Variants in SMURF2 observed in about 807,000 individuals in gnomAD.
SMURF2 encodes SMAD specific E3 ubiquitin protein ligase 2, also known as E3 ubiquitin-protein ligase SMURF2.
SMURF2 carries 48 observed loss-of-function variants against 109.6 expected under a neutral mutation model. The ratio of observed to expected loss-of-function variants is 0.44; its 90% CI spans 0.35 to 0.56. SMURF2 has a LOEUF of 0.56. Among genes scored for constraint, SMURF2 ranks in the 20% least tolerant of loss-of-function variants. SMURF2 has a pLI of 0.01. For synonymous variants in SMURF2, 288 were observed against 317.1 expected, an observed-to-expected ratio of 0.91 and a Z score of 0.97; for missense variants, 575 against 909.0, an observed-to-expected ratio of 0.63 and a Z score of 4.72.
At chr17:64,636,570 C>T in intron 1 of SMURF2, among the ~76,000 whole-genome samples, 1 of 140,802 alleles carries the variant, frequency 7.1e-6, no homozygotes, top group African/African-American at 2.7e-5. Context: ...TGCCACTGCA[C>T]TCAGCCTGGA....
chr17:64,631,430 G>C (rs181923422), intron 1 of SMURF2, among the ~76,000 whole-genome samples: 19 of 152,090 alleles, frequency 1.2e-4, no homozygotes, highest in African/African-American at 4.6e-4. Flanking sequence ...AGGGGTTGAA[G>C]GAAATGGGCT....
chr17:64,611,298 C>T (rs986534315), intron 1 of SMURF2, among the ~76,000 whole-genome samples: 35 of 151,984 alleles, frequency 2.3e-4, no homozygotes, highest in Non-Finnish European at 4.6e-4. Flanking sequence ...AAATAAAATC[C>T]GAAGAGCCAC....
intron 1 of SMURF2, among the ~76,000 whole-genome samples, chr17:64,651,030 A>C (rs1408916481): frequency 6.6e-6 from 1 of 151,056 alleles, no homozygotes; most frequent in Non-Finnish European, 1.5e-5. Context: ...TGGCCAACAC[A>C]GCAAAACCCT....
chr17:64,547,507 T>G lies in SMURF2; in HGVS notation c.2071+93A>C. On this transcript the variant is annotated intron_variant, in intron 17 of 18. Transcript: ENST00000262435. This position sits in a 1 kb window ranked among gnomAD's most constrained non-coding sequence, Gnocchi z 4.2. ...GATAAGAAGTGAAAAAGAGAATCTC[T>G]AAGCACATGGTTTACAAAATATCTC... 1 of 1,039,938 alleles carries G rather than the reference T, an allele frequency of 9.6e-7. No individual in the cohort carries two copies. Among genetic ancestry groups the G allele is most frequent in the South Asian group, 1.3e-5 (1 of 75,150 alleles). The allele number at this position is 1,039,938 out of a possible 1,614,324, so 64.4% of individuals were successfully genotyped here.
At chr17:64,568,593 A>G (rs1289268475) in intron 10 of SMURF2, among the ~76,000 whole-genome samples, 1 of 152,216 alleles carries the variant, frequency 6.6e-6, no homozygotes, top group Non-Finnish European at 1.5e-5. Context: ...GGAAGCAGAA[A>G]GGTAACAAAC....
At chr17:64,557,783 T>A (rs1306497010) in intron 12 of SMURF2, 61 bp from the exon 13 acceptor site, 1 of 821,410 alleles carries the variant, frequency 1.2e-6, no homozygotes, top group African/African-American at 1.7e-5. Flanking sequence ...TATTAAGATA[T>A]GTCATTAACT....
Position 64,551,611 on chromosome 17 carries a change from C to T in SMURF2, c.1842G>A (p.Leu614=), listed in dbSNP as rs1969047049. The T allele has an allele frequency of 6.2e-7, 1 of 1,614,044 alleles. No individual in the cohort carries two copies. Among genetic ancestry groups the T allele is most frequent in the Non-Finnish European group, 8.5e-7 (1 of 1,179,960 alleles). Residue 614 remains leucine, a synonymous_variant, in exon 16 of 19, where the codon CTG becomes CTA. Coordinates refer to ENST00000262435, the MANE Select transcript of SMURF2 (RefSeq NM_022739.4). ...GFNEVIPQHL[L]KTFDEKELEL... is the part of the protein sequence containing the mutation. The stretch of plus-strand genomic sequence containing the variant: ...CTAACTCCTTCTCATCAAATGTCTT[C>T]AGCAGATGTTGTGGAATTACTTCAT...
chr17:64,659,484 A>T (rs1175602896), intron 1 of SMURF2, among the ~76,000 whole-genome samples: 2 of 151,222 alleles, frequency 1.3e-5, no homozygotes, highest in Non-Finnish European at 2.9e-5. Flanking sequence ...AAGGTATGCC[A>T]AACATTTCTT....
At chr17:64,654,459 G>T (rs1970679744) in intron 1 of SMURF2, among the ~76,000 whole-genome samples, 2 of 152,136 alleles carry the variant, frequency 1.3e-5, no homozygotes, top group Admixed American at 6.5e-5. Flanking sequence ...TTATATGTTG[G>T]AGAGAAATCC....
chr17:64,566,561 G>GTTTGTTTTTTTTTTTTTTTTTTTTTTT (rs1969305868), intron 10 of SMURF2, among the ~76,000 whole-genome samples: 1 of 43,804 alleles, frequency 2.3e-5, no homozygotes, highest in African/African-American at 7.5e-5. Flanking sequence ...AAGCTTTCTG[G>GTTTGTTTTTTTTTTTTTTTTTTTTTTT]TTTTTTTTTT....
intron 1 of SMURF2, among the ~76,000 whole-genome samples, chr17:64,619,532 T>C (rs1247115158): frequency 2.0e-5 from 3 of 151,296 alleles, no homozygotes; most frequent in Non-Finnish European, 2.9e-5. Flanking sequence ...GCAAGACGTT[T>C]GCCTTAGCCA....
chr17:64,623,897 A>G lies in SMURF2; in HGVS notation c.53-17257T>C, dbSNP rs1054262088. 1.1e-4 allele frequency among the ~76,000 whole-genome samples: 17 copies of G among 152,258 alleles called. 1 individual carries two copies. The South Asian group carries it at 1.2e-3, about 11-fold the overall frequency. On this transcript the variant is annotated intron_variant, in intron 1 of 18. Coordinates refer to ENST00000262435, the MANE Select transcript of SMURF2 (RefSeq NM_022739.4). ...TTGACAAATCTATACGTAGACAGGA[A>G]AAAGCTTAAGTTAAACGTAAGTTGT...
rs781957539 is a variant in SMURF2, at chr17:64,562,757, G to T, written c.1212+14C>A. The T allele has an allele frequency of 1.9e-6, 3 of 1,608,100 alleles. No individual in the cohort carries two copies. Among genetic ancestry groups the T allele is most frequent in the Non-Finnish European group, 1.7e-6 (2 of 1,176,722 alleles). On this transcript the variant is annotated intron_variant, in intron 11 of 18. Coordinates refer to ENST00000262435, the MANE Select transcript of SMURF2 (RefSeq NM_022739.4). ...AAAAAAAATAGTAAAACAAAATAAG[G>T]CTCGTAAATTTACCTCAAAAATCTC...
chr17:64,566,602 C>T lies in SMURF2; in HGVS notation c.1017-3636G>A, dbSNP rs376307004. On this transcript the variant is annotated intron_variant, in intron 10 of 18. Coordinates refer to ENST00000262435, the MANE Select transcript of SMURF2 (RefSeq NM_022739.4). Reference sequence around the variant, plus strand: ...TTTTTTTTTTTTTTTGAGACAGTCTCGCTGTGTTGCCCAGGCTGGAGTGCA... The same window carrying T: ...TTTTTTTTTTTTTTTGAGACAGTCTTGCTGTGTTGCCCAGGCTGGAGTGCA... Among the ~76,000 whole-genome samples the T allele has an allele frequency of 3.2e-4, 13 of 40,938 alleles. No homozygotes were observed. The East Asian group carries it at 7.9e-3, about 25-fold the overall frequency. 26.9% of individuals were successfully genotyped at this position (40,938 alleles called of 152,430 possible).
Position 64,554,846 on chromosome 17 carries a change from G to A in SMURF2, c.1748+10C>T. On this transcript the variant is annotated intron_variant, in intron 15 of 18. Coordinates refer to ENST00000262435, the MANE Select transcript of SMURF2 (RefSeq NM_022739.4). ...AAAAAATTCAGCCTTGAGAACACAG[G>A]AGTGTTTACCTGACATATTCTTTTT... The A allele has an allele frequency of 6.2e-7, 1 of 1,612,306 alleles. No individual in the cohort carries two copies. The highest frequency in any genetic ancestry group is 8.5e-7 in the Non-Finnish European group (1 of 1,179,276).
chr17:64,659,608 T>C (rs1970748795), intron 1 of SMURF2, among the ~76,000 whole-genome samples: 1 of 151,222 alleles, frequency 6.6e-6, no homozygotes, highest in African/African-American at 2.4e-5. Flanking sequence ...GGGCACCAGC[T>C]CCAGACCAAT....
intron 2 of SMURF2, among the ~76,000 whole-genome samples, chr17:64,599,830 GAGA>G (rs1424998275): frequency 1.3e-5 from 2 of 152,206 alleles, no homozygotes; most frequent in Non-Finnish European, 2.9e-5. Flanking sequence ...GGGCATACAG[GAGA>G]AGGAGGACTT....
At chr17:64,626,817 TA>T (rs1230297244) in intron 1 of SMURF2, among the ~76,000 whole-genome samples, 1 of 151,808 alleles carries the variant, frequency 6.6e-6, no homozygotes, top group African/African-American at 2.4e-5. Flanking sequence ...ACTTTGTCAT[TA>T]AAAAATTGAT....
At chr17:64,557,799 T>C (rs1969147445) in intron 12 of SMURF2, 77 bp from the exon 13 acceptor site, 1 of 709,250 alleles carries the variant, frequency 1.4e-6, no homozygotes, top group Admixed American at 2.6e-5. Flanking sequence ...TAACTAATCA[T>C]TTTAGCAAAT....
Sources: allele counts gnomAD v4.1 joint callset (sites outside exome capture counted in the v4.1 genomes callset), GRCh38; gene constraint gnomAD v4.1.1; non-coding constraint Gnocchi (gnomAD v3.1); transcripts MANE v1.5; gene names NCBI Gene and HGNC (gene_info 2026-07-23, HGNC 2026-07-21).